The following UNC13B variants were observed in gnomAD, a reference collection of about 807,000 sequenced individuals.
UNC13B encodes unc-13 homolog B, also known as protein unc-13 homolog B.
In UNC13B, 144 loss-of-function variants were observed where a neutral mutation model predicts 211.0. That is an observed-to-expected ratio of 0.68 (90% CI 0.60 to 0.78). The LOEUF (loss-of-function observed/expected upper bound fraction) is 0.78, where lower values mean the gene tolerates loss of function less well. UNC13B is among the 30% of genes least tolerant of loss of function. The probability of loss-of-function intolerance (pLI) is 0.00; values close to 1 mark genes in which losing one functional copy is unlikely to be tolerated. For missense variants in UNC13B, 1,777 were observed against 2,002.0 expected, an observed-to-expected ratio of 0.89 and a Z score of 2.14; for synonymous variants, 709 against 725.8, an observed-to-expected ratio of 0.98 and a Z score of 0.37.
chr9:35,274,072 T>C (rs1828038945), intron 7 of UNC13B, among the ~76,000 whole-genome samples: 2 of 152,126 alleles, frequency 1.3e-5, no homozygotes, highest in African/African-American at 4.8e-5. Flanking sequence ...CAGACCTAAC[T>C]ACCTCGCACA....
At chr9:35,193,453 C>G (rs1822766541) in intron 1 of UNC13B, among the ~76,000 whole-genome samples, 1 of 151,938 alleles carries the variant, frequency 6.6e-6, no homozygotes, top group African/African-American at 2.4e-5. Flanking sequence ...TCGAGACCAG[C>G]CTGACCAACA....
chr9:35,273,380 G>A (rs541373105), intron 7 of UNC13B, among the ~76,000 whole-genome samples: 3 of 152,268 alleles, frequency 2.0e-5, no homozygotes, highest in Non-Finnish European at 2.9e-5. Context: ...CCTGGTCCTA[G>A]TGTCCATTGC....
chr9:35,351,862 G>C, intron 11 of UNC13B: 1 of 1,232,266 alleles, frequency 8.1e-7, no homozygotes, highest in Non-Finnish European at 1.0e-6. Flanking sequence ...GCTGTCAGGA[G>C]CCCTCAGAGA....
Position 35,390,682 on chromosome 9 carries a change from T to C in UNC13B, c.11276T>C (p.Leu3759Ser). The change falls in exon 26 of 40, where the codon TTG (leucine) becomes TCG (serine). Residue 3759 changes from leucine to serine, a missense_variant. By Grantham distance (145) the Leu-to-Ser change is moderately radical (BLOSUM62 -2). Transcript: ENST00000635942. ...GKVSAEVMWH[L>S]FAQDMKYALE... ...GTCAGCGCAGAAGTGATGTGGCATT[T>C]GTTTGCCCAAGACATGAAATATGCA... 6.2e-7 allele frequency: 1 copy of C among 1,614,174 alleles called. No individual in the cohort carries two copies. Among genetic ancestry groups the C allele is most frequent in the Non-Finnish European group, 8.5e-7 (1 of 1,180,022 alleles).
At chr9:35,384,796 A>G (rs1835084539) in intron 22 of UNC13B, 3 of 919,314 alleles carry the variant, frequency 3.3e-6, no homozygotes, top group Non-Finnish European at 3.9e-6. Flanking sequence ...GGGAGGAAAT[A>G]GGTATAGTAG....
chr9:35,342,921 C>G (rs1564149827), intron 11 of UNC13B, among the ~76,000 whole-genome samples: 1 of 152,058 alleles, frequency 6.6e-6, no homozygotes, highest in South Asian at 2.1e-4. Context: ...GAGAGAGAGA[C>G]AGAGAGAAAG....
At chr9:35,210,610 G>A (rs1329282694) in intron 1 of UNC13B, among the ~76,000 whole-genome samples, 1 of 151,586 alleles carries the variant, frequency 6.6e-6, no homozygotes, top group Non-Finnish European at 1.5e-5. Flanking sequence ...TGCAGCCTCC[G>A]CCTCCTGGGT....
At chr9:35,190,782 A>G (rs1443294308) in intron 1 of UNC13B, among the ~76,000 whole-genome samples, 1 of 152,220 alleles carries the variant, frequency 6.6e-6, no homozygotes, top group Non-Finnish European at 1.5e-5. Flanking sequence ...TGGGATATCC[A>G]CTTTTAATTA....
In UNC13B at chr9:35,400,280, C is replaced by T; in HGVS notation, c.12337-16C>T. On this transcript the variant is annotated splice_polypyrimidine_tract_variant and intron_variant, in intron 36 of 39. Transcript: ENST00000635942. ...TAAGGGGATGAAGCAGTCACGGGTG[C>T]TCTTTTATCTTGCAGCAATACTTCC... 1 of 1,612,680 alleles carries T rather than the reference C, an allele frequency of 6.2e-7. No homozygotes were observed. The highest frequency in any genetic ancestry group is 8.5e-7 in the Non-Finnish European group (1 of 1,179,236).
At chr9:35,342,755 T>C (rs966601951) in intron 11 of UNC13B, among the ~76,000 whole-genome samples, 4 of 152,244 alleles carry the variant, frequency 2.6e-5, no homozygotes, top group Non-Finnish European at 4.4e-5. Context: ...TATATGAATA[T>C]GCAAAATTCG....
intron 1 of UNC13B, among the ~76,000 whole-genome samples, chr9:35,184,827 G>C (rs1225418180): frequency 8.1e-6 from 1 of 123,100 alleles, no homozygotes; most frequent in African/African-American, 3.2e-5. Flanking sequence ...GAGAGAGAGA[G>C]AGAGAGGAGA....
intron 9 of UNC13B, 28 bp from the exon 10 acceptor site, chr9:35,310,439 C>T: frequency 6.2e-7 from 1 of 1,603,234 alleles, no homozygotes; most frequent in Non-Finnish European, 8.5e-7. Context: ...CATTTATTTA[C>T]TTATCTGTCT....
At chr9:35,379,036 T>C (rs1834643751) in intron 17 of UNC13B, among the ~76,000 whole-genome samples, 2 of 152,218 alleles carry the variant, frequency 1.3e-5, no homozygotes, top group African/African-American at 4.8e-5. Flanking sequence ...AACTAATGTC[T>C]GAGAATCCAC....
chr9:35,213,282 C>T (rs1321761378), intron 1 of UNC13B, among the ~76,000 whole-genome samples: 1 of 152,096 alleles, frequency 6.6e-6, no homozygotes, highest in Non-Finnish European at 1.5e-5. Flanking sequence ...GGTTAGTACC[C>T]TTATAAGAAC....
chr9:35,287,201 C>T lies in UNC13B; in HGVS notation c.527-8495C>T, dbSNP rs376473988. ...AGGCTGGAGTGCATTGGCATGATCACGGCTCACTGCAACAACCAGCTCCTG... is the reference window on the plus strand; with the variant it reads ...AGGCTGGAGTGCATTGGCATGATCATGGCTCACTGCAACAACCAGCTCCTG... On this transcript the variant is annotated intron_variant, in intron 7 of 39. Coordinates refer to ENST00000635942, the MANE Select transcript of UNC13B (RefSeq NM_001371189.2). 1.9e-4 allele frequency among the ~76,000 whole-genome samples: 28 copies of T among 150,828 alleles called. No individual in the cohort carries two copies. The South Asian group carries it at 4.8e-3, about 26-fold the overall frequency.
intron 1 of UNC13B, among the ~76,000 whole-genome samples, chr9:35,222,103 C>G (rs1385247249): frequency 6.6e-6 from 1 of 152,096 alleles, no homozygotes; most frequent in African/African-American, 2.4e-5. Context: ...TACTCCAACA[C>G]CCTTTTTCCC....
chr9:35,166,605 G>A (rs1821049459), intron 1 of UNC13B, among the ~76,000 whole-genome samples: 1 of 151,944 alleles, frequency 6.6e-6, no homozygotes, highest in Non-Finnish European at 1.5e-5. Context: ...AGCATCACGA[G>A]TAGCTGGGAC....
chr9:35,322,531 A>G (rs1830789488), intron 11 of UNC13B, among the ~76,000 whole-genome samples: 1 of 152,114 alleles, frequency 6.6e-6, no homozygotes, highest in South Asian at 2.1e-4. Context: ...GTCTCAGGAG[A>G]GGTAGGATTA....
chr9:35,370,529 T>G (rs1330411328), intron 13 of UNC13B, 133 bp downstream of exon 13: 1 of 779,682 alleles, frequency 1.3e-6, no homozygotes, highest in Non-Finnish European at 2.0e-6. Flanking sequence ...ATTTAAAGCC[T>G]TCGGAGACTT....
Sources: gnomAD v4.1 joint callset for allele counts (sites outside exome capture counted in the v4.1 genomes callset) on GRCh38, gnomAD v4.1.1 for gene constraint, MANE v1.5 for transcripts, NCBI Gene and HGNC (gene_info 2026-07-23, HGNC 2026-07-21) for gene names.